The following CPNE1 variants were observed in gnomAD, a reference collection of about 807,000 sequenced individuals.
The protein encoded by CPNE1 is copine 1.
CPNE1 carries 58 observed loss-of-function variants against 63.2 expected under a neutral mutation model. That is an observed-to-expected ratio of 0.92 (90% CI 0.74 to 1.14). The LOEUF (loss-of-function observed/expected upper bound fraction) is 1.14. Ranked by LOEUF, CPNE1 falls within the 50% of genes most tolerant of loss-of-function variation. The probability of loss-of-function intolerance (pLI) is 0.00; values close to 1 mark genes in which losing one functional copy is unlikely to be tolerated. For missense variants in CPNE1, 672 were observed against 661.7 expected, an observed-to-expected ratio of 1.02 and a Z score of -0.17; for synonymous variants, 237 against 249.0, an observed-to-expected ratio of 0.95 and a Z score of 0.45.
Position 35,626,349 on chromosome 20 carries a change from G to C in CPNE1, c.1506C>G (p.Leu502=), listed in dbSNP as rs368997251. 6.2e-7 allele frequency: 1 copy of C among 1,614,084 alleles called. No homozygotes were observed. The highest frequency in any genetic ancestry group is 8.5e-7 in the Non-Finnish European group (1 of 1,180,020). The stretch of plus-strand genomic sequence containing the variant: ...AGACCAGTTGTGTGGGCACTTCTGC[G>C]AGCACGGTCTGTGCCAATGCCTCCC... ...APREALAQTV[L]AEVPTQLVSY... is the part of the protein sequence containing the mutation. Residue 502 remains leucine, a synonymous_variant, in exon 16 of 16, where the codon CTC becomes CTG. Coordinates refer to ENST00000397443, the MANE Select transcript of CPNE1 (RefSeq NM_152925.3).
At chr20:35,646,466 T>G (rs1300757072) in intron 1 of CPNE1, among the ~76,000 whole-genome samples, 2 of 148,144 alleles carry the variant, frequency 1.4e-5, no homozygotes, top group African/African-American at 5.0e-5. Flanking sequence ...CAAGCGATCC[T>G]CCCACCTCGG....
intron 1 of CPNE1, among the ~76,000 whole-genome samples, chr20:35,659,722 T>C (rs1443439580): frequency 6.6e-6 from 1 of 152,184 alleles, no homozygotes; most frequent in Non-Finnish European, 1.5e-5. Context: ...ATTAAGAGTA[T>C]ATCCCAAAAT....
chr20:35,631,218 G>T (rs1274001020), intron 9 of CPNE1, 45 bp from the exon 10 acceptor site: 2 of 1,613,096 alleles, frequency 1.2e-6, no homozygotes, highest in East Asian at 2.2e-5. Flanking sequence ...AGCAGTTGGT[G>T]TCATGGAGCT....
At position 35,631,753 on chromosome 20, in the gene CPNE1, T is replaced by A. The variant is rs539253450; in HGVS notation, c.562A>T (p.Thr188Ser). Residue 188 changes from threonine to serine, a missense_variant, in exon 7 of 16, where the codon ACA (threonine) becomes TCA (serine). Coordinates refer to ENST00000397443, the MANE Select transcript of CPNE1 (RefSeq NM_152925.3). Reference protein sequence around the residue: ...SEVIKNNLNPTWKRFSVPVQH... With the variant: ...SEVIKNNLNPSWKRFSVPVQH... ...ACGGGGACTGAGAAACGCTTCCATG[T>A]AGGGTTCAGGTTGTTCTTGATGACC... The A allele has an allele frequency of 6.2e-7, 1 of 1,613,998 alleles. No individual in the cohort carries two copies. The highest frequency in any genetic ancestry group is 1.3e-5 in the African/African-American group (1 of 74,972).
intron 1 of CPNE1, chr20:35,658,804 C>A (rs907624950): frequency 7.8e-4 from 29 of 37,058 alleles, no homozygotes; most frequent in East Asian, 3.8e-3. Context: ...CAAACAAAAA[C>A]ACACACACAC....
At chr20:35,659,252 T>C (rs1446694137) in intron 1 of CPNE1, among the ~76,000 whole-genome samples, 1 of 152,058 alleles carries the variant, frequency 6.6e-6, no homozygotes, top group East Asian at 1.9e-4. Context: ...AAGAGTGTCA[T>C]TAACTTAGCC....
intron 13 of CPNE1, among the ~76,000 whole-genome samples, chr20:35,630,150 C>A (rs2032021997): frequency 6.6e-6 from 1 of 152,134 alleles, no homozygotes; most frequent in Non-Finnish European, 1.5e-5. Flanking sequence ...AAAAATTAGC[C>A]AGGCACGGTG....
rs765897647 is a variant in CPNE1, at chr20:35,632,162, CCTT to C, written c.454_456del (p.Lys152del). On this transcript the variant is annotated inframe_deletion and splice_region_variant, in exon 5 of 16. Transcript: ENST00000397443. ...TTACCAGGGCCTACTTCCAGACACA[CCTT>C]CTTATCTAGGTTTCTGGCCTCTACC... 6.2e-6 allele frequency: 10 copies of C among 1,613,882 alleles called. No homozygotes were observed. Among genetic ancestry groups the C allele is most frequent in the African/African-American group, 1.3e-5 (1 of 74,896 alleles).
At position 35,647,430 on chromosome 20, in the gene CPNE1, C is replaced by T. The variant is rs528088072; in HGVS notation, c.1-14507G>A. On this transcript the variant is annotated intron_variant, in intron 1 of 15. Coordinates refer to ENST00000397443, the MANE Select transcript of CPNE1 (RefSeq NM_152925.3). ...TTAATATGTGCTGCTGAAGCAAGCA[C>T]ATCTTAAACATTTTCACTGGAAGGA... The T allele has an allele frequency of 2.6e-5, 4 of 151,886 alleles. No homozygotes were observed. The East Asian group carries it at 7.8e-4, about 30-fold the overall frequency. The allele number at this position is 151,886 out of a possible 1,614,324, so 9.4% of individuals were successfully genotyped here.
chr20:35,628,802 G>C (rs940263664), intron 13 of CPNE1, among the ~76,000 whole-genome samples: 1 of 152,192 alleles, frequency 6.6e-6, no homozygotes, highest in African/African-American at 2.4e-5. Flanking sequence ...CTGGATAATA[G>C]CATAGATGTT....
chr20:35,637,045 A>G (rs944133822), intron 1 of CPNE1, among the ~76,000 whole-genome samples: 2 of 152,186 alleles, frequency 1.3e-5, no homozygotes, highest in Admixed American at 6.5e-5. Context: ...ATAAAAAACA[A>G]AAACAAAACA....
chr20:35,628,125 CA>C (rs1189315178), intron 13 of CPNE1, among the ~76,000 whole-genome samples: 8 of 146,302 alleles, frequency 5.5e-5, no homozygotes, highest in Non-Finnish European at 9.1e-5. Context: ...ACTAAAAATA[CA>C]AAAAAAAAAC....
At chr20:35,653,353 A>G (rs764200744) in intron 1 of CPNE1, 2 of 1,614,168 alleles carry the variant, frequency 1.2e-6, no homozygotes, top group East Asian at 2.2e-5. Flanking sequence ...CACACCGGGC[A>G]GTCCCGCATT....
intron 13 of CPNE1, among the ~76,000 whole-genome samples, chr20:35,629,130 G>C (rs1342064663): frequency 6.6e-6 from 1 of 152,192 alleles, no homozygotes; most frequent in African/African-American, 2.4e-5. Context: ...TATGAGAAAA[G>C]AGAAAACAAA....
At chr20:35,627,465 A>G (rs2031836195) in intron 13 of CPNE1, 52 bp from the exon 14 acceptor site, 1 of 1,580,138 alleles carries the variant, frequency 6.3e-7, no homozygotes, top group African/African-American at 1.4e-5. Context: ...TCAGGACTAC[A>G]CCAGTCCTGA....
chr20:35,646,390 CTTT>C (rs559754204), intron 1 of CPNE1, among the ~76,000 whole-genome samples: 4 of 122,562 alleles, frequency 3.3e-5, no homozygotes, highest in Admixed American at 8.3e-5. Flanking sequence ...AGTGACAAGG[CTTT>C]TTTTTTTTTT....
At chr20:35,646,896 G>A (rs1428298427) in intron 1 of CPNE1, among the ~76,000 whole-genome samples, 1 of 152,180 alleles carries the variant, frequency 6.6e-6, no homozygotes, top group East Asian at 1.9e-4. Context: ...AAGTTACTAA[G>A]ATCAATATCC....
intron 1 of CPNE1, among the ~76,000 whole-genome samples, chr20:35,634,905 A>ATTTT (rs56017917): frequency 8.2e-6 from 1 of 122,112 alleles, no homozygotes; most frequent in Non-Finnish European, 1.7e-5. Context: ...ACACCCAGCT[A>ATTTT]TTTTTTTTTT....
At position 35,634,522 on chromosome 20, in the gene CPNE1, G is replaced by A. The variant is rs556432847; in HGVS notation, c.1-1599C>T. Among the ~76,000 whole-genome samples the A allele has an allele frequency of 1.2e-3, 174 of 150,124 alleles. 2 individuals carry two copies. The highest frequency in any genetic ancestry group is 3.9e-3 in the African/African-American group (156 of 40,396). On this transcript the variant is annotated intron_variant, in intron 1 of 15. Coordinates refer to ENST00000397443, the MANE Select transcript of CPNE1 (RefSeq NM_152925.3). ...GGCAGGAGAATCGCTTGAACCTGGC[G>A]GGTGGAGGTTGAAGTAAGCCGAGAT...
Sources: allele counts gnomAD v4.1 joint callset (sites outside exome capture counted in the v4.1 genomes callset), GRCh38; gene constraint gnomAD v4.1.1; transcripts MANE v1.5; gene names NCBI Gene and HGNC (gene_info 2026-07-23, HGNC 2026-07-21).